SEC11A: variants seen among roughly 807,000 people sequenced by gnomAD.
The protein encoded by SEC11A is SEC11 homolog A, signal peptidase complex subunit.
Under a neutral mutation model 25.6 loss-of-function variants are expected in SEC11A, and 14 were observed. The ratio of observed to expected loss-of-function variants is 0.55; its 90% CI spans 0.36 to 0.85. SEC11A has a LOEUF of 0.85. SEC11A is among the 40% of genes least tolerant of loss of function. SEC11A has a pLI of 0.01. For synonymous variants in SEC11A, 83 were observed against 76.4 expected (o/e 1.09, Z -0.45); for missense variants, 153 against 222.9 (o/e 0.69, Z 2.00).
chr15:84,674,155 G>A (rs888447194), intron 4 of SEC11A, among the ~76,000 whole-genome samples: 4 of 151,632 alleles, frequency 2.6e-5, no homozygotes, highest in East Asian at 1.9e-4. Flanking sequence ...AGTAACAGTC[G>A]TTAAAGAATG....
rs1898344068 is a variant in SEC11A at position 84,713,245 on chromosome 15, T to G, written c.51+2780A>C. ...ATGGTACACTTTAAATGGATGGAGTTCATTTACTAAAGTATTCCTCTGTGG... is the reference window on the plus strand; with the variant it reads ...ATGGTACACTTTAAATGGATGGAGTGCATTTACTAAAGTATTCCTCTGTGG... On this transcript the variant is annotated intron_variant, in intron 1 of 5. Transcript: ENST00000268220. 2.6e-5 allele frequency among the ~76,000 whole-genome samples: 4 copies of G among 151,552 alleles called. No individual in the cohort carries two copies. The South Asian group carries it at 8.3e-4, about 32-fold the overall frequency.
chr15:84,677,629 C>T (rs988678568), intron 4 of SEC11A, among the ~76,000 whole-genome samples: 4 of 151,882 alleles, frequency 2.6e-5, no homozygotes, highest in Non-Finnish European at 5.9e-5. Flanking sequence ...CCCGCCACCA[C>T]GCCCAGCTAA....
chr15:84,675,481 C>T (rs1436960842), intron 4 of SEC11A, among the ~76,000 whole-genome samples: 1 of 152,152 alleles, frequency 6.6e-6, no homozygotes, highest in Non-Finnish European at 1.5e-5. Context: ...CCAGCAGCAA[C>T]TAAATGAGAG....
intron 1 of SEC11A, among the ~76,000 whole-genome samples, chr15:84,696,861 G>C (rs1231408767): frequency 1.3e-5 from 2 of 152,006 alleles, no homozygotes; most frequent in South Asian, 2.1e-4. Flanking sequence ...TACCTAATTA[G>C]ACATTTAATA....
intron 1 of SEC11A, among the ~76,000 whole-genome samples, chr15:84,700,984 CA>C (rs57015135): frequency 0.24 from 18,627 of 77,666 alleles, 1,318 homozygotes; most frequent in Middle Eastern, 0.39. Context: ...AACTCCATAT[CA>C]AAAAAAAAAA....
intron 1 of SEC11A, among the ~76,000 whole-genome samples, chr15:84,695,314 T>C (rs966181962): frequency 1.3e-5 from 2 of 150,558 alleles, no homozygotes; most frequent in Non-Finnish European, 3.0e-5. Context: ...AAATACAAAA[T>C]TAGCTGGGCT....
intron 4 of SEC11A, chr15:84,671,189 G>A (rs1896974564): frequency 6.5e-6 from 1 of 153,854 alleles, no homozygotes; most frequent in African/African-American, 2.4e-5. Context: ...AGTACTTCAT[G>A]TTAAGTGGCC....
intron 4 of SEC11A, among the ~76,000 whole-genome samples, chr15:84,680,300 CA>C (rs1897252720): frequency 7.5e-6 from 1 of 133,238 alleles, no homozygotes; most frequent in Non-Finnish European, 1.6e-5. Context: ...GACTCCATCT[CA>C]AAAAAAAGAA....
chr15:84,672,612 C>G (rs112538486), intron 4 of SEC11A: 15,446 of 209,406 alleles, frequency 0.074, 759 homozygotes, highest in East Asian at 0.25. Context: ...GATCTCGGCT[C>G]GCTACAACCA....
chr15:84,708,774 C>T (rs1466673805), intron 1 of SEC11A, among the ~76,000 whole-genome samples: 1 of 150,084 alleles, frequency 6.7e-6, no homozygotes, highest in Admixed American at 6.7e-5. Flanking sequence ...GGTGACAGAG[C>T]GAGACCTTAT....
At chr15:84,706,418 T>C (rs1246998870) in intron 1 of SEC11A, among the ~76,000 whole-genome samples, 2 of 152,068 alleles carry the variant, frequency 1.3e-5, no homozygotes, top group Non-Finnish European at 2.9e-5. Context: ...GAAGCAAATA[T>C]AACTGGAATA....
intron 3 of SEC11A, among the ~76,000 whole-genome samples, chr15:84,682,934 G>C (rs942584064): frequency 1.3e-5 from 2 of 152,058 alleles, no homozygotes; most frequent in African/African-American, 4.8e-5. Flanking sequence ...ATTAGCTTCA[G>C]GTTTCTATGG....
chr15:84,714,018 CTTTTT>C (rs34873142), intron 1 of SEC11A, among the ~76,000 whole-genome samples: 1 of 100,426 alleles, frequency 1.0e-5, no homozygotes, highest in Non-Finnish European at 1.9e-5. Flanking sequence ...CATATACCTT[CTTTTT>C]TTTTTTTTTT....
At chr15:84,680,903 T>A in intron 3 of SEC11A, 71 bp from the exon 4 acceptor site, 1 of 1,397,578 alleles carries the variant, frequency 7.2e-7, no homozygotes, top group Non-Finnish European at 9.7e-7. Flanking sequence ...TCTGTTCTTG[T>A]TAACCAAACA....
intron 1 of SEC11A, among the ~76,000 whole-genome samples, chr15:84,699,277 T>G (rs1273237503): frequency 7.4e-6 from 1 of 135,600 alleles, no homozygotes; most frequent in Admixed American, 8.3e-5. Flanking sequence ...ATCACACCAC[T>G]GCACTCCAGC....
chr15:84,681,046 AAAT>A (rs1212620440), intron 3 of SEC11A, among the ~76,000 whole-genome samples: 2 of 152,260 alleles, frequency 1.3e-5, no homozygotes, highest in African/African-American at 4.8e-5. Flanking sequence ...TAAGGAGCTC[AAAT>A]ATTATGTAAA....
intron 4 of SEC11A, among the ~76,000 whole-genome samples, chr15:84,676,374 G>A (rs980940907): frequency 6.6e-6 from 1 of 151,960 alleles, no homozygotes; most frequent in Non-Finnish European, 1.5e-5. Flanking sequence ...GCTGAGGCAG[G>A]AGAATTGTTT....
chr15:84,708,672 C>T (rs898480881), intron 1 of SEC11A, among the ~76,000 whole-genome samples: 3 of 151,972 alleles, frequency 2.0e-5, no homozygotes, highest in Non-Finnish European at 4.4e-5. Context: ...CCTGTAGTCC[C>T]AGCTACTTGG....
intron 3 of SEC11A, 40 bp downstream of exon 3, chr15:84,687,585 A>T: frequency 6.7e-7 from 1 of 1,498,756 alleles, no homozygotes. Flanking sequence ...ACACTTAAAC[A>T]AAAGCACTTA....
Sources: allele counts gnomAD v4.1 joint callset (sites outside exome capture counted in the v4.1 genomes callset), GRCh38; gene constraint gnomAD v4.1.1; transcripts MANE v1.5; gene names NCBI Gene and HGNC (gene_info 2026-07-23, HGNC 2026-07-21).